Variants in COG5 observed in about 807,000 individuals in gnomAD.
COG5 encodes the protein conserved oligomeric Golgi complex subunit 5.
COG5 carries 86 observed loss-of-function variants against 110.4 expected under a neutral mutation model. The observed-to-expected ratio is 0.78, with a 90% confidence interval of 0.65 to 0.93. The LOEUF (loss-of-function observed/expected upper bound fraction) is 0.93. Ranked by LOEUF, COG5 falls within the 40% of genes least tolerant of loss-of-function variation. COG5 has a pLI of 0.00. For synonymous variants in COG5, 360 were observed against 334.6 expected (o/e 1.08, Z -0.83); for missense variants, 1,077 against 987.0 (o/e 1.09, Z -1.22).
intron 2 of COG5, among the ~76,000 whole-genome samples, chr7:107,554,642 TCA>T (rs750114157): frequency 2.6e-5 from 4 of 152,102 alleles, no homozygotes; most frequent in African/African-American, 7.2e-5. Context: ...AATTTATTGC[TCA>T]CAGTTCTGGG....
intron 2 of COG5, 116 bp downstream of exon 2, chr7:107,557,860 C>A: frequency 7.6e-7 from 1 of 1,314,206 alleles, no homozygotes. Context: ...ATAAGTCACA[C>A]TGGTAAGTAT....
At chr7:107,562,405 G>A (rs769520885) in intron 1 of COG5, among the ~76,000 whole-genome samples, 6 of 152,078 alleles carry the variant, frequency 3.9e-5, no homozygotes, top group Non-Finnish European at 8.8e-5. Flanking sequence ...AGCCTTTTCT[G>A]ACATTTCCTA....
chr7:107,277,019 A>T (rs1804750564), intron 14 of COG5, among the ~76,000 whole-genome samples: 1 of 152,248 alleles, frequency 6.6e-6, no homozygotes, highest in Non-Finnish European at 1.5e-5. Flanking sequence ...TCAGATGTGA[A>T]GCATCAATGC....
intron 7 of COG5, among the ~76,000 whole-genome samples, chr7:107,397,287 G>C (rs966132486): frequency 1.3e-5 from 2 of 152,090 alleles, no homozygotes; most frequent in Non-Finnish European, 2.9e-5. Context: ...AATGGCTACC[G>C]GCATGACAGC....
At chr7:107,527,008 T>A (rs918703806) in intron 6 of COG5, among the ~76,000 whole-genome samples, 1 of 152,130 alleles carries the variant, frequency 6.6e-6, no homozygotes, top group Non-Finnish European at 1.5e-5. Context: ...CAGACCTGTA[T>A]ATGAAAAAGG....
chr7:107,267,557 A>AACTTAAACAATCCTTCATATCT (rs1430064294), intron 14 of COG5, among the ~76,000 whole-genome samples: 6 of 152,232 alleles, frequency 3.9e-5, no homozygotes, highest in Non-Finnish European at 7.3e-5. Context: ...ATTTATTAAC[A>AACTTAAACAATCCTTCATATCT]ACTTAAACAA....
chr7:107,261,781 T>TTCAA (rs1388275298), intron 14 of COG5, among the ~76,000 whole-genome samples: 1 of 152,150 alleles, frequency 6.6e-6, no homozygotes, highest in African/African-American at 2.4e-5. Flanking sequence ...CAAATCTGAG[T>TTCAA]TCAAGTATGC....
chr7:107,532,716 G>A (rs1801302043), intron 5 of COG5, among the ~76,000 whole-genome samples: 1 of 151,994 alleles, frequency 6.6e-6, no homozygotes, highest in Admixed American at 6.6e-5. Context: ...GGACACAGGA[G>A]ATAACAAAAT....
At chr7:107,481,276 T>C (rs760146394) in intron 6 of COG5, among the ~76,000 whole-genome samples, 4 of 152,172 alleles carry the variant, frequency 2.6e-5, no homozygotes, top group East Asian at 3.9e-4. Flanking sequence ...AGAGAGAAAG[T>C]GGCTAGCGAG....
chr7:107,476,484 C>T (rs1251864486), intron 6 of COG5, among the ~76,000 whole-genome samples: 2 of 151,502 alleles, frequency 1.3e-5, no homozygotes, highest in African/African-American at 4.8e-5. Flanking sequence ...TAAGTCTTGT[C>T]ACTTTTCTAC....
chr7:107,247,020 C>T (rs1162340829), intron 17 of COG5, among the ~76,000 whole-genome samples: 1 of 152,142 alleles, frequency 6.6e-6, no homozygotes, highest in Non-Finnish European at 1.5e-5. Flanking sequence ...ACATATACAC[C>T]ATGGAATACT....
intron 10 of COG5, among the ~76,000 whole-genome samples, chr7:107,331,148 A>G (rs1028969703): frequency 3.3e-5 from 5 of 152,184 alleles, no homozygotes; most frequent in Non-Finnish European, 1.5e-5. Context: ...GAGAGTTTTA[A>G]TAAGATAATA....
chr7:107,527,822 T>C (rs1800882183), intron 5 of COG5, among the ~76,000 whole-genome samples: 2 of 152,170 alleles, frequency 1.3e-5, no homozygotes, highest in South Asian at 2.1e-4. Context: ...TGATTACAAA[T>C]TCAAGTGGGT....
At chr7:107,328,851 C>A (rs143699441) in intron 10 of COG5, among the ~76,000 whole-genome samples, 2 of 152,052 alleles carry the variant, frequency 1.3e-5, no homozygotes, top group African/African-American at 4.8e-5. Context: ...GACGGAGTCT[C>A]GCTCTGTCGC....
chr7:107,353,047 C>T (rs1299439712), intron 10 of COG5, among the ~76,000 whole-genome samples: 1 of 152,178 alleles, frequency 6.6e-6, no homozygotes, highest in African/African-American at 2.4e-5. Flanking sequence ...AAGATACCAA[C>T]ATTGAATTTC....
chr7:107,475,090 C>T, intron 6 of COG5: 1 of 1,612,778 alleles, frequency 6.2e-7, no homozygotes, highest in Non-Finnish European at 8.5e-7. Context: ...CCCAAGTGAC[C>T]TTTTAGTAAA....
At chr7:107,244,309 T>C (rs1287923449) in intron 17 of COG5, among the ~76,000 whole-genome samples, 1 of 152,060 alleles carries the variant, frequency 6.6e-6, no homozygotes, top group Non-Finnish European at 1.5e-5. Flanking sequence ...TATCACAATC[T>C]CTGGGACACA....
chr7:107,303,474 C>T (rs1276837454), intron 11 of COG5, among the ~76,000 whole-genome samples: 1 of 152,152 alleles, frequency 6.6e-6, no homozygotes, highest in Non-Finnish European at 1.5e-5. Context: ...GTCACCCACG[C>T]TGGAGTACAG....
chr7:107,275,896 T>C (rs540135866), intron 14 of COG5, among the ~76,000 whole-genome samples: 1 of 152,244 alleles, frequency 6.6e-6, no homozygotes, highest in African/African-American at 2.4e-5. Context: ...CATTTAAATA[T>C]CACACATGTA....
Sources: allele counts gnomAD v4.1 joint callset (sites outside exome capture counted in the v4.1 genomes callset), GRCh38; gene constraint gnomAD v4.1.1; transcripts MANE v1.5; gene names NCBI Gene and HGNC (gene_info 2026-07-23, HGNC 2026-07-21).